The following BCAR3 variants were observed in gnomAD, a reference collection of about 807,000 sequenced individuals.
BCAR3 encodes the protein BCAR3 adaptor protein, NSP family member, also known as breast cancer anti-estrogen resistance protein 3.
In BCAR3, 37 loss-of-function variants were observed where a neutral mutation model predicts 80.1. The ratio of observed to expected loss-of-function variants is 0.46; its 90% CI spans 0.36 to 0.61. BCAR3 has a LOEUF of 0.61. BCAR3 is among the 20% of genes least tolerant of loss of function. The pLI is 0.00. For synonymous variants in BCAR3, 389 were observed against 418.9 expected (o/e 0.93, Z 0.87); for missense variants, 978 against 1,068.2 (o/e 0.92, Z 1.18).
chr1:93,706,915 G>A (rs367549056), intron 2 of BCAR3, among the ~76,000 whole-genome samples: 5 of 152,206 alleles, frequency 3.3e-5, no homozygotes, highest in Non-Finnish European at 1.5e-5. Flanking sequence ...AGGGGCTTAC[G>A]CCTGTAATCC....
chr1:93,830,951 G>A lies in BCAR3; in HGVS notation c.-63+14616C>T, dbSNP rs111482796. Among the ~76,000 whole-genome samples, 116 of 151,268 alleles carry A rather than the reference G, an allele frequency of 7.7e-4. 1 individual carries two copies. Among genetic ancestry groups the A allele is most frequent in the African/African-American group, 2.2e-3 (90 of 40,704 alleles). On this transcript the variant is annotated intron_variant, in intron 2 of 13. Coordinates refer to the BCAR3 transcript ENST00000370244. ...TGCTACCCTTCAATCTCCCTTTCTC[G>A]CTACCCTTCAATCTCCCTGTCCTTC...
At chr1:93,571,889 G>A in intron 8 of BCAR3, 48 bp from the exon 9 acceptor site, 2 of 1,566,664 alleles carry the variant, frequency 1.3e-6, no homozygotes, top group Non-Finnish European at 1.7e-6. Flanking sequence ...ATGGGACTAG[G>A]AGAAAACTAA....
At position 93,592,438 on chromosome 1, in the gene BCAR3, C is replaced by G; in HGVS notation, c.358-45G>C. On this transcript the variant is annotated intron_variant, in intron 3 of 11. Transcript: ENST00000260502. This position sits in a 1 kb window ranked among gnomAD's most constrained non-coding sequence, Gnocchi z 4.8. ...ATGAGCTCACCCTGCCCAGGCCACACCAGGCCATGCCAGCTGGAGGTGACC... is the reference window on the plus strand; with the variant it reads ...ATGAGCTCACCCTGCCCAGGCCACAGCAGGCCATGCCAGCTGGAGGTGACC... The G allele has an allele frequency of 6.5e-7, 1 of 1,532,816 alleles. No individual in the cohort carries two copies. Among genetic ancestry groups the G allele is most frequent in the Non-Finnish European group, 8.7e-7 (1 of 1,148,550 alleles). 95.0% of individuals were successfully genotyped at this position (1,532,816 alleles called of 1,614,324 possible). A position where few individuals can be genotyped will look rare whatever the true frequency, so the allele number is the denominator to read the frequency against.
chr1:93,649,338 T>C (rs1571006221), intron 2 of BCAR3, among the ~76,000 whole-genome samples: 1 of 152,172 alleles, frequency 6.6e-6, no homozygotes, highest in Non-Finnish European at 1.5e-5. Flanking sequence ...TCCATCTTTG[T>C]GTGGGGACAC....
intron 2 of BCAR3, among the ~76,000 whole-genome samples, chr1:93,664,180 C>T (rs1328468612): frequency 6.6e-6 from 1 of 152,168 alleles, no homozygotes; most frequent in Non-Finnish European, 1.5e-5. Flanking sequence ...AGTGCAATGG[C>T]AGGATCTCGG....
chr1:93,633,503 C>A (rs1262780892), intron 3 of BCAR3, among the ~76,000 whole-genome samples: 1 of 152,186 alleles, frequency 6.6e-6, no homozygotes, highest in Non-Finnish European at 1.5e-5. Flanking sequence ...CCACTGCAGT[C>A]AAAAATCTTC....
At chr1:93,574,823 C>T (rs949513943) in intron 8 of BCAR3, among the ~76,000 whole-genome samples, 1 of 152,152 alleles carries the variant, frequency 6.6e-6, no homozygotes, top group Non-Finnish European at 1.5e-5. Context: ...AATTCAGAAG[C>T]GGGACCTAGA....
chr1:93,671,291 C>T (rs1382549406), intron 2 of BCAR3, among the ~76,000 whole-genome samples: 1 of 152,092 alleles, frequency 6.6e-6, no homozygotes, highest in African/African-American at 2.4e-5. Context: ...CCAAGCCCGG[C>T]CTATAAAGGT....
At chr1:93,627,569 C>G (rs573648433) in intron 3 of BCAR3, among the ~76,000 whole-genome samples, 1 of 152,210 alleles carries the variant, frequency 6.6e-6, no homozygotes, top group Admixed American at 6.5e-5. Context: ...TGTGTTCTAT[C>G]AGACACTAAA....
chr1:93,579,461 G>A (rs1043381531), intron 7 of BCAR3, among the ~76,000 whole-genome samples: 2 of 152,216 alleles, frequency 1.3e-5, no homozygotes, highest in South Asian at 4.1e-4. Flanking sequence ...CTCGCTGCCT[G>A]GGGACCCCAT....
intron 2 of BCAR3, among the ~76,000 whole-genome samples, chr1:93,782,895 T>A (rs964729950): frequency 6.6e-6 from 1 of 152,186 alleles, no homozygotes; most frequent in African/African-American, 2.4e-5. Flanking sequence ...TGGGAGGAGA[T>A]ATTTTCAACA....
intron 2 of BCAR3, among the ~76,000 whole-genome samples, chr1:93,788,929 A>C (rs1653042431): frequency 6.6e-6 from 1 of 152,202 alleles, no homozygotes; most frequent in Admixed American, 6.5e-5. Flanking sequence ...GTGTGATTTT[A>C]GTAAAAATAA....
chr1:93,565,100 C>CT (rs1160258864), intron 11 of BCAR3, among the ~76,000 whole-genome samples: 1,605 of 144,598 alleles, frequency 0.011, 23 homozygotes, highest in African/African-American at 0.035. Flanking sequence ...CAGATGGTGA[C>CT]TTTTTTTTTT....
At chr1:93,795,477 T>C (rs1464647864) in intron 2 of BCAR3, among the ~76,000 whole-genome samples, 1 of 65,236 alleles carries the variant, frequency 1.5e-5, no homozygotes, top group African/African-American at 8.6e-5. Context: ...ATTCTTCACG[T>C]AGTTCTCGAG....
chr1:93,576,045 C>G lies in BCAR3; in HGVS notation c.1771G>C (p.Gly591Arg). 9.3e-6 allele frequency: 15 copies of G among 1,614,116 alleles called. No individual in the cohort carries two copies. Among genetic ancestry groups the G allele is most frequent in the Non-Finnish European group, 1.3e-5 (15 of 1,180,026 alleles). The change falls in exon 8 of 12, where the codon GGA becomes CGA. Residue 591 changes from glycine (G) to arginine (R), a missense_variant. Gly to Arg is a moderately radical substitution (Grantham distance 125). Coordinates refer to ENST00000260502, the MANE Select transcript of BCAR3 (RefSeq NM_003567.4). The stretch of plus-strand genomic sequence containing the variant: ...ATTATGTCCAGGCGCAGCTGGTGTC[C>G]GTGAGGCAAGGTAATGAGTTCCAGG... ...SGLELITLPH[G>R]HQLRLDIIER...
At chr1:93,652,101 A>G (rs2101920626) in intron 2 of BCAR3, among the ~76,000 whole-genome samples, 1 of 152,344 alleles carries the variant, frequency 6.6e-6, no homozygotes, top group Non-Finnish European at 1.5e-5. Context: ...AAAGGATAAG[A>G]CTAAAGTTCC....
At chr1:93,749,991 T>C (rs1054596188) in intron 2 of BCAR3, among the ~76,000 whole-genome samples, 8 of 151,828 alleles carry the variant, frequency 5.3e-5, no homozygotes, top group African/African-American at 1.9e-4. Context: ...GCACCAGAAT[T>C]GGTCTCAGTT....
intron 2 of BCAR3, among the ~76,000 whole-genome samples, chr1:93,781,947 T>C (rs1161670663): frequency 6.6e-6 from 1 of 152,186 alleles, no homozygotes; most frequent in East Asian, 1.9e-4. Context: ...GTGCCTTTCT[T>C]GGGGCAAACA....
At chr1:93,716,972 C>G (rs952190732) in intron 2 of BCAR3, among the ~76,000 whole-genome samples, 1 of 152,188 alleles carries the variant, frequency 6.6e-6, no homozygotes, top group African/African-American at 2.4e-5. Context: ...CTTTGCAGTT[C>G]TATCAACAGG....
Sources: gnomAD v4.1 joint callset for allele counts (sites outside exome capture counted in the v4.1 genomes callset) on GRCh38, gnomAD v4.1.1 for gene constraint, Gnocchi (gnomAD v3.1) non-coding constraint, MANE v1.5 for transcripts, NCBI Gene and HGNC (gene_info 2026-07-23, HGNC 2026-07-21) for gene names.